Variants in SCHIP1 observed in about 807,000 individuals in gnomAD.
SCHIP1 encodes the protein schwannomin interacting protein 1, also known as schwannomin-interacting protein 1.
A neutral mutation model predicts 29.7 loss-of-function variants in SCHIP1; 8 were observed. That is an observed-to-expected ratio of 0.27 (90% CI 0.16 to 0.49). SCHIP1 has a LOEUF of 0.49. Among genes scored for constraint, SCHIP1 ranks in the 20% least tolerant of loss-of-function variants. The pLI is 0.99. For synonymous variants in SCHIP1, 76 were observed against 94.9 expected (o/e 0.80, Z 1.16); for missense variants, 193 against 294.6 (o/e 0.66, Z 2.52).
chr3:159,843,997 A>T (rs912803309), intron 1 of SCHIP1, among the ~76,000 whole-genome samples: 1 of 151,998 alleles, frequency 6.6e-6, no homozygotes, highest in African/African-American at 2.4e-5. Flanking sequence ...CTCATCTGTG[A>T]AATGGAGACT....
the SCHIP1 span, among the ~76,000 whole-genome samples, chr3:159,382,442 A>AT: frequency 6.6e-6 from 1 of 151,278 alleles, no homozygotes; most frequent in Admixed American, 6.6e-5. Context: ...TGAACTCATC[A>AT]TTTTTTATGG....
chr3:159,505,675 A>G, the SCHIP1 span, among the ~76,000 whole-genome samples: 570 of 152,046 alleles, frequency 3.7e-3, 8 homozygotes, highest in African/African-American at 0.013. Context: ...CCTGTGTCCA[A>G]GTGTTCTCAT....
the SCHIP1 span, among the ~76,000 whole-genome samples, chr3:159,563,831 A>G: frequency 6.6e-6 from 1 of 151,602 alleles, no homozygotes; most frequent in Non-Finnish European, 1.5e-5. Flanking sequence ...CTCAAAAAAG[A>G]AAAAAAAAGT....
chr3:159,402,262 G>A, the SCHIP1 span, among the ~76,000 whole-genome samples: 5,233 of 151,932 alleles, frequency 0.034, 112 homozygotes, highest in East Asian at 0.1. Context: ...AATGGCGATC[G>A]TTAAAAAGTC....
At chr3:159,635,501 A>G in the SCHIP1 span, among the ~76,000 whole-genome samples, 2 of 152,208 alleles carry the variant, frequency 1.3e-5, no homozygotes, top group Admixed American at 6.5e-5. Context: ...TGCCTGTAAT[A>G]TAATTATAAT....
the SCHIP1 span, among the ~76,000 whole-genome samples, chr3:159,612,734 C>T: frequency 1.7e-4 from 26 of 152,236 alleles, no homozygotes; most frequent in African/African-American, 5.5e-4. Flanking sequence ...GTGACAAGAG[C>T]GAGACTGTGT....
the SCHIP1 span, among the ~76,000 whole-genome samples, chr3:159,759,094 A>G: frequency 6.6e-6 from 1 of 152,242 alleles, no homozygotes; most frequent in East Asian, 1.9e-4. Flanking sequence ...AGGAAAATGT[A>G]GAAAACAAAT....
the SCHIP1 span, among the ~76,000 whole-genome samples, chr3:159,436,027 TCTGACAGCTCAGC>T: frequency 6.6e-6 from 1 of 152,188 alleles, no homozygotes; most frequent in African/African-American, 2.4e-5. Context: ...AATGATGAGA[TCTGACAGCTCAGC>T]CTGAAAGCTT....
At chr3:159,766,312 C>T in the SCHIP1 span, among the ~76,000 whole-genome samples, 3 of 152,082 alleles carry the variant, frequency 2.0e-5, no homozygotes, top group Non-Finnish European at 4.4e-5. Flanking sequence ...AGAGAAATTG[C>T]CATGGTTCTA....
the SCHIP1 span, among the ~76,000 whole-genome samples, chr3:159,495,061 T>A: frequency 7.9e-5 from 12 of 152,196 alleles, no homozygotes; most frequent in Non-Finnish European, 1.5e-4. Context: ...CAACAGCCCT[T>A]CATGCTAAAA....
At chr3:159,729,551 C>T in the SCHIP1 span, among the ~76,000 whole-genome samples, 1 of 152,026 alleles carries the variant, frequency 6.6e-6, no homozygotes, top group Non-Finnish European at 1.5e-5. Flanking sequence ...TGTATAAAAA[C>T]AAGTTAGAAA....
the SCHIP1 span, among the ~76,000 whole-genome samples, chr3:159,749,069 C>T: frequency 6.6e-6 from 1 of 151,992 alleles, no homozygotes; most frequent in Non-Finnish European, 1.5e-5. Context: ...CTCAGGAGTT[C>T]AAGACCAGCC....
chr3:159,490,489 G>A, the SCHIP1 span, among the ~76,000 whole-genome samples: 2 of 152,188 alleles, frequency 1.3e-5, no homozygotes, highest in African/African-American at 2.4e-5. Context: ...ATAGCTAGAT[G>A]TGTCATTACC....
the SCHIP1 span, among the ~76,000 whole-genome samples, chr3:159,756,724 T>C: frequency 6.6e-6 from 1 of 152,248 alleles, no homozygotes; most frequent in African/African-American, 2.4e-5. Context: ...TAAAACGTAA[T>C]GCTTTTAACA....
At chr3:159,349,786 T>C in the SCHIP1 span, among the ~76,000 whole-genome samples, 10 of 152,196 alleles carry the variant, frequency 6.6e-5, no homozygotes, top group Non-Finnish European at 1.2e-4. Flanking sequence ...GAACCTCATG[T>C]TCCTTATGTT....
chr3:159,636,443 G>A, the SCHIP1 span, among the ~76,000 whole-genome samples: 2 of 152,186 alleles, frequency 1.3e-5, no homozygotes, highest in Admixed American at 6.5e-5. Context: ...GCTAATTGAA[G>A]AACAGAGAGG....
At chr3:159,436,477 C>T in the SCHIP1 span, among the ~76,000 whole-genome samples, 1 of 152,132 alleles carries the variant, frequency 6.6e-6, no homozygotes, top group Non-Finnish European at 1.5e-5. Flanking sequence ...ATAATAGTCC[C>T]TTCCTTTCCA....
the SCHIP1 span, among the ~76,000 whole-genome samples, chr3:159,512,079 A>G: frequency 6.6e-6 from 1 of 152,170 alleles, no homozygotes; most frequent in Non-Finnish European, 1.5e-5. Context: ...ACAAATAATT[A>G]GTGTCCAGAA....
chr3:159,388,642 C>T, the SCHIP1 span, among the ~76,000 whole-genome samples: 2 of 152,208 alleles, frequency 1.3e-5, no homozygotes, highest in African/African-American at 4.8e-5. Flanking sequence ...CATTGAGGGA[C>T]ACTTGCCTTT....
Sources: allele counts gnomAD v4.1 joint callset (sites outside exome capture counted in the v4.1 genomes callset), GRCh38; gene constraint gnomAD v4.1.1; transcripts MANE v1.5; gene names NCBI Gene and HGNC (gene_info 2026-07-23, HGNC 2026-07-21).